The following SLC34A1 variants were observed in gnomAD, a reference collection of about 807,000 sequenced individuals.
The protein encoded by SLC34A1 is solute carrier family 34 member 1.
SLC34A1 carries 57 observed loss-of-function variants against 51.4 expected under a neutral mutation model. The ratio of observed to expected loss-of-function variants is 1.11; its 90% CI spans 0.90 to 1.38. SLC34A1 has a LOEUF of 1.38. Among genes scored for constraint, SLC34A1 ranks in the 40% most tolerant of loss-of-function variants. SLC34A1 has a pLI of 0.00. For synonymous variants in SLC34A1, 368 were observed against 358.0 expected (o/e 1.03, Z -0.32); for missense variants, 796 against 835.6 (o/e 0.95, Z 0.58).
In SLC34A1 at chr5:177,387,954, C is replaced by T. The variant is rs528391241; in HGVS notation, c.645-40C>T. On this transcript the variant is annotated intron_variant, in intron 6 of 12. Transcript: ENST00000324417. ...CAGGAACCCCAGGCGTGACTGTGCACTGGCTCGAGCCTGCCTTGCAATGTG... is the reference window on the plus strand; with the variant it reads ...CAGGAACCCCAGGCGTGACTGTGCATTGGCTCGAGCCTGCCTTGCAATGTG... 4.3e-6 allele frequency: 7 copies of T among 1,611,044 alleles called. No individual in the cohort carries two copies. In the Admixed American group the frequency reaches 8.3e-5, roughly 19 times the overall value.
intron 8 of SLC34A1, among the ~76,000 whole-genome samples, chr5:177,391,895 C>G (rs1318901505): frequency 6.6e-6 from 1 of 152,212 alleles, no homozygotes; most frequent in Non-Finnish European, 1.5e-5. Context: ...GTATAAGAAG[C>G]AGGATTTGAA....
Position 177,398,356 on chromosome 5 carries a change from T to G in SLC34A1, c.*70T>G, listed in dbSNP as rs1763041169. 24 of 1,566,022 alleles carry G rather than the reference T, an allele frequency of 1.5e-5. No homozygotes were observed. Among genetic ancestry groups the G allele is most frequent in the Non-Finnish European group, 2.1e-5 (24 of 1,151,784 alleles). On this transcript the variant is annotated 3_prime_UTR_variant, in exon 13 of 13. Transcript: ENST00000324417. The surrounding 1 kb of genome is among the most constrained non-coding windows in gnomAD (Gnocchi z 4.7). ...GGAAAGGCAGGGGAGGGAGGGTGTGTGTAGGTATGTGCATGTGCCTGTGCC... is the reference window on the plus strand; with the variant it reads ...GGAAAGGCAGGGGAGGGAGGGTGTGGGTAGGTATGTGCATGTGCCTGTGCC...
At position 177,387,836 on chromosome 5, in the gene SLC34A1, G is replaced by T. The variant is rs757153323; in HGVS notation, c.607G>T (p.Ala203Ser). The change falls in exon 6 of 13, where the codon GCC becomes TCC. Residue 203 changes from alanine to serine, a missense_variant. By Grantham distance (99) the Ala-to-Ser change is moderately conservative. Transcript: ENST00000324417. ...IGTSVTNTIV[A>S]LMQAGDRTDF... ...CACCTCTGTCACCAACACCATCGTG[G>T]CCCTGATGCAGGCGGGGGACAGGAC... is the stretch of plus-strand genomic sequence containing the variant. 6.2e-7 allele frequency: 1 copy of T among 1,612,418 alleles called. No homozygotes were observed.
intron 12 of SLC34A1, 120 bp from the exon 13 acceptor site, chr5:177,397,663 T>G (rs1763014043): frequency 2.2e-6 from 3 of 1,365,752 alleles, no homozygotes; most frequent in Non-Finnish European, 3.1e-6. Context: ...ACATCACCCC[T>G]AAGTGGAAAC....
At position 177,389,509 on chromosome 5, in the gene SLC34A1, TA is replaced by T. The variant is rs148980219; in HGVS notation, c.936+1146del. ...TCTGAGTGTTCAAAGCAGCCTTACA[TA>T]AAAAAAAACCCCTGCGGGCAGCTTT... On this transcript the variant is annotated intron_variant, in intron 8 of 12. Coordinates refer to ENST00000324417, the MANE Select transcript of SLC34A1 (RefSeq NM_003052.5). 441 of 1,130,532 alleles carry T rather than the reference TA, an allele frequency of 3.9e-4. 1 individual carries two copies. Among genetic ancestry groups the T allele is most frequent in the South Asian group, 1.3e-3 (83 of 65,150 alleles). The allele number at this position is 1,130,532 out of a possible 1,614,324, so 70.0% of individuals were successfully genotyped here. A position where few individuals can be genotyped will look rare whatever the true frequency, so the allele number is the denominator to read the frequency against.
At position 177,397,222 on chromosome 5, in the gene SLC34A1, T is replaced by A. The variant is rs921043842; in HGVS notation, c.1416+148T>A. On this transcript the variant is annotated intron_variant, in intron 12 of 12. Coordinates refer to ENST00000324417, the MANE Select transcript of SLC34A1 (RefSeq NM_003052.5). ...CTCAATGAAACCATTATGGGCAAAG[T>A]AGACCCAATACCACCCTCGAGACCT... 40 of 966,538 alleles carry A rather than the reference T, an allele frequency of 4.1e-5. No individual in the cohort carries two copies. The East Asian group carries it at 4.8e-4, about 11-fold the overall frequency. The allele number at this position is 966,538 out of a possible 1,614,324, so 59.9% of individuals were successfully genotyped here.
rs1762741882 is a variant in SLC34A1 at position 177,389,871 on chromosome 5, C to G, written c.936+1499C>G. The G allele has an allele frequency of 2.8e-6, 4 of 1,452,632 alleles. No individual in the cohort carries two copies. The South Asian group carries it at 4.3e-5, about 16-fold the overall frequency. The allele number at this position is 1,452,632 out of a possible 1,614,324, so 90.0% of individuals were successfully genotyped here. A position where few individuals can be genotyped will look rare whatever the true frequency, so the allele number is the denominator to read the frequency against. On this transcript the variant is annotated intron_variant, in intron 8 of 12. Transcript: ENST00000324417. ...ACGGCTGCAGCTGACACTTGTCCAGCTGGTTTCTCTTCCTCACTCTACCAG... is the reference window on the plus strand; with the variant it reads ...ACGGCTGCAGCTGACACTTGTCCAGGTGGTTTCTCTTCCTCACTCTACCAG...
Position 177,387,759 on chromosome 5 carries a change from C to T in SLC34A1, c.533-3C>T. On this transcript the variant is annotated splice_polypyrimidine_tract_variant and splice_region_variant and intron_variant, in intron 5 of 12. Coordinates refer to ENST00000324417, the MANE Select transcript of SLC34A1 (RefSeq NM_003052.5). ...TTCATTAGGACGTCTTCTCTTCTAC[C>T]AGTGCTGGAGGTGAGCTCTGCCATC... 1 of 1,612,246 alleles carries T rather than the reference C, an allele frequency of 6.2e-7. No homozygotes were observed. Among genetic ancestry groups the T allele is most frequent in the South Asian group, 1.1e-5 (1 of 91,054 alleles).
chr5:177,397,595 T>G, intron 12 of SLC34A1, 188 bp from the exon 13 acceptor site: 1 of 698,086 alleles, frequency 1.4e-6, no homozygotes, highest in Non-Finnish European at 2.5e-6. Context: ...GGTCTAGAAG[T>G]ATTTCAATAT....
chr5:177,391,209 A>C (rs1762790949), intron 8 of SLC34A1, among the ~76,000 whole-genome samples: 1 of 152,062 alleles, frequency 6.6e-6, no homozygotes, highest in African/African-American at 2.4e-5. Context: ...CCTCTGCCCC[A>C]CAGGGAAGCC....
chr5:177,384,792 G>A (rs901829910), intron 1 of SLC34A1, among the ~76,000 whole-genome samples: 16 of 151,564 alleles, frequency 1.1e-4, no homozygotes, highest in Non-Finnish European at 2.2e-4. Flanking sequence ...AACCCACGAG[G>A]CAGAGGTTGC....
Position 177,386,183 on chromosome 5 carries a change from G to A in SLC34A1, c.260-38G>A, listed in dbSNP as rs759254905. The A allele has an allele frequency of 1.9e-6, 3 of 1,614,054 alleles. No homozygotes were observed. Among genetic ancestry groups the A allele is most frequent in the Non-Finnish European group, 2.5e-6 (3 of 1,180,018 alleles). On this transcript the variant is annotated intron_variant, in intron 3 of 12. Coordinates refer to ENST00000324417, the MANE Select transcript of SLC34A1 (RefSeq NM_003052.5). The surrounding 1 kb of genome is among the most constrained non-coding windows in gnomAD (Gnocchi z 4.8). ...CAGAGGCGGCAGCAGTCCCTGCCCT[G>A]GCCTCTGCCCACTATGCTCATGGCT...
Position 177,386,024 on chromosome 5 carries a change from C to T in SLC34A1, c.147C>T (p.Phe49=), listed in dbSNP as rs749315848. The change falls in exon 3 of 13, where the codon TTC becomes TTT. Residue 49 remains phenylalanine, a synonymous_variant. Coordinates refer to ENST00000324417, the MANE Select transcript of SLC34A1 (RefSeq NM_003052.5). This position sits in a 1 kb window ranked among gnomAD's most constrained non-coding sequence, Gnocchi z 4.8. The part of the protein sequence containing the change: ...HRIPGTSAYA[F]PSLGPVALAE... ...TCCCGGGGACCTCTGCCTATGCCTT[C>T]CCCAGCCTGGGCCCTGTGGCCCTTG... The T allele has an allele frequency of 6.2e-7, 1 of 1,609,620 alleles. No homozygotes were observed. The highest frequency in any genetic ancestry group is 8.5e-7 in the Non-Finnish European group (1 of 1,177,464).
chr5:177,397,245 C>A lies in SLC34A1; in HGVS notation c.1416+171C>A, dbSNP rs1489449572. The stretch of plus-strand genomic sequence containing the variant: ...AGTAGACCCAATACCACCCTCGAGA[C>A]CTTAGCATCTAATAGGGAGACACTG... On this transcript the variant is annotated intron_variant, in intron 12 of 12. Coordinates refer to ENST00000324417, the MANE Select transcript of SLC34A1 (RefSeq NM_003052.5). 6.9e-6 allele frequency: 5 copies of A among 725,444 alleles called. No homozygotes were observed. In the Admixed American group the frequency reaches 1.3e-4, roughly 19 times the overall value. The allele number at this position is 725,444 out of a possible 1,614,324, so 44.9% of individuals were successfully genotyped here.
intron 5 of SLC34A1, among the ~76,000 whole-genome samples, chr5:177,387,251 C>T (rs1018738519): frequency 4.6e-5 from 7 of 151,980 alleles, no homozygotes; most frequent in Non-Finnish European, 8.8e-5. Context: ...AAGCATTAGC[C>T]AGGCGTGGTG....
At chr5:177,392,495 T>G (rs1253742872) in intron 8 of SLC34A1, among the ~76,000 whole-genome samples, 2 of 151,416 alleles carry the variant, frequency 1.3e-5, no homozygotes, top group East Asian at 3.8e-4. Flanking sequence ...AAATAACTTC[T>G]TAACCCAACA....
Position 177,397,892 on chromosome 5 carries a change from C to T in SLC34A1, c.1526C>T (p.Ala509Val). 4.3e-6 allele frequency: 7 copies of T among 1,613,966 alleles called. No individual in the cohort carries two copies. Among genetic ancestry groups the T allele is most frequent in the African/African-American group, 1.3e-5 (1 of 75,056 alleles). The change falls in exon 13 of 13, where the codon GCC becomes GTC. Residue 509 changes from alanine to valine, a missense_variant. Ala to Val is a moderately conservative substitution (Grantham distance 64). Transcript: ENST00000324417. The part of the protein sequence containing the change: ...RMAKALGKRT[A>V]KYRWFAVLYL... Reference sequence around the variant, plus strand: ...GCCAAGGCGCTGGGGAAACGCACGGCCAAGTACCGCTGGTTTGCCGTCCTC... The same window carrying T: ...GCCAAGGCGCTGGGGAAACGCACGGTCAAGTACCGCTGGTTTGCCGTCCTC...
At position 177,396,099 on chromosome 5, in the gene SLC34A1, T is replaced by C. The variant is rs558611579; in HGVS notation, c.1175-634T>C. ...CCAGCCTTGGTTTTCATTTTAAACT[T>C]CATGCACTGGGAGGGGCTGCATGAC... On this transcript the variant is annotated intron_variant, in intron 10 of 12. Coordinates refer to ENST00000324417, the MANE Select transcript of SLC34A1 (RefSeq NM_003052.5). The surrounding 1 kb of genome is among the most constrained non-coding windows in gnomAD (Gnocchi z 4.0). Among the ~76,000 whole-genome samples, 1 of 152,250 alleles carries C rather than the reference T, an allele frequency of 6.6e-6. No individual in the cohort carries two copies. Among genetic ancestry groups the C allele is most frequent in the South Asian group, 2.1e-4 (1 of 4,826 alleles).
intron 8 of SLC34A1, chr5:177,390,104 A>C (rs772852165): frequency 1.8e-4 from 201 of 1,098,082 alleles, no homozygotes; most frequent in Non-Finnish European, 2.1e-4. Flanking sequence ...CGGGCCACAG[A>C]GTCTCCCCGT....
Sources: allele counts gnomAD v4.1 joint callset (sites outside exome capture counted in the v4.1 genomes callset), GRCh38; gene constraint gnomAD v4.1.1; non-coding constraint Gnocchi (gnomAD v3.1); transcripts MANE v1.5; gene names NCBI Gene and HGNC (gene_info 2026-07-23, HGNC 2026-07-21).